The following POT1 variants were observed in gnomAD, a reference collection of about 807,000 sequenced individuals.
The protein encoded by POT1 is protection of telomeres 1, also known as protection of telomeres protein 1.
In POT1, 47 loss-of-function variants were observed where a neutral mutation model predicts 78.5. The ratio of observed to expected loss-of-function variants is 0.60; its 90% CI spans 0.47 to 0.76. The LOEUF (loss-of-function observed/expected upper bound fraction) is 0.76, where lower values mean the gene tolerates loss of function less well. Among genes scored for constraint, POT1 ranks in the 30% least tolerant of loss-of-function variants. POT1 has a pLI of 0.00. For synonymous variants in POT1, 259 were observed against 260.7 expected (o/e 0.99, Z 0.06); for missense variants, 646 against 749.9 (o/e 0.86, Z 1.62).
chr7:124,878,763 C>T (rs1323250783), intron 6 of POT1, among the ~76,000 whole-genome samples: 2 of 151,936 alleles, frequency 1.3e-5, no homozygotes, highest in Admixed American at 1.3e-4. Flanking sequence ...ATATAAAAGG[C>T]TATACAGGAA....
intron 6 of POT1, among the ~76,000 whole-genome samples, chr7:124,882,490 GGAA>G (rs1796142303): frequency 3.3e-5 from 5 of 151,798 alleles, no homozygotes. Context: ...ATGACAGCAT[GGAA>G]GATGAAAGAA....
Position 124,823,661 on chromosome 7 carries a change from C to A in POT1, c.*301G>T, listed in dbSNP as rs1262557948. ...AAAATCATCAGTATCAGCACCCCAACAAAGCAACTTTGCCATTTCTACTTA... is the reference window on the plus strand; with the variant it reads ...AAAATCATCAGTATCAGCACCCCAAAAAAGCAACTTTGCCATTTCTACTTA... On this transcript the variant is annotated 3_prime_UTR_variant, in exon 19 of 19. Coordinates refer to ENST00000357628, the MANE Select transcript of POT1 (RefSeq NM_015450.3). 1 of 259,852 alleles carries A rather than the reference C, an allele frequency of 3.8e-6. No individual in the cohort carries two copies. The highest frequency in any genetic ancestry group is 7.2e-6 in the Non-Finnish European group (1 of 138,752). 16.1% of individuals were successfully genotyped at this position (259,852 alleles called of 1,614,324 possible).
intron 2 of POT1, among the ~76,000 whole-genome samples, chr7:124,928,046 G>C (rs1255477078): frequency 6.6e-6 from 1 of 152,062 alleles, no homozygotes; most frequent in Non-Finnish European, 1.5e-5. Flanking sequence ...ATAGGTCTTT[G>C]TGATGATTAA....
chr7:124,842,793 T>C lies in POT1; in HGVS notation c.1163+14A>G. On this transcript the variant is annotated intron_variant, in intron 13 of 18. Transcript: ENST00000357628. ...TAATATGAAAACGTTTGTTTTATTA[T>C]GGAAAATACTCACAGCAAATGACAT... The C allele has an allele frequency of 1.9e-6, 3 of 1,581,448 alleles. No individual in the cohort carries two copies. In the South Asian group the frequency reaches 3.5e-5, roughly 19 times the overall value.
chr7:124,846,184 C>CACACACA (rs1554421673), intron 12 of POT1, among the ~76,000 whole-genome samples: 2 of 150,566 alleles, frequency 1.3e-5, no homozygotes. Flanking sequence ...CACACACACA[C>CACACACA]CCCTATAATA....
At chr7:124,895,056 T>C (rs1288569511) in intron 5 of POT1, among the ~76,000 whole-genome samples, 1 of 151,676 alleles carries the variant, frequency 6.6e-6, no homozygotes, top group Non-Finnish European at 1.5e-5. Context: ...AAATACTTGT[T>C]GAGGGTTTTT....
intron 11 of POT1, among the ~76,000 whole-genome samples, chr7:124,850,407 T>G (rs1464698645): frequency 6.6e-6 from 1 of 152,168 alleles, no homozygotes; most frequent in East Asian, 1.9e-4. Context: ...ACAGAATAAT[T>G]CATCTCACAG....
At chr7:124,852,840 G>T in intron 10 of POT1, 132 bp downstream of exon 10, 1 of 724,162 alleles carries the variant, frequency 1.4e-6, no homozygotes, top group Non-Finnish European at 2.2e-6. Context: ...TGTTTCATTT[G>T]GCTCATCTAT....
At chr7:124,852,035 T>A in intron 10 of POT1, 84 bp from the exon 11 acceptor site, 3 of 886,056 alleles carry the variant, frequency 3.4e-6, no homozygotes, top group Non-Finnish European at 5.4e-6. Context: ...ATCCAGAAAT[T>A]CATTGAAATT....
In POT1 at chr7:124,923,350, A is replaced by G. The variant is rs147292924; in HGVS notation, c.-227+5465T>C. On this transcript the variant is annotated intron_variant, in intron 2 of 18. Coordinates refer to ENST00000357628, the MANE Select transcript of POT1 (RefSeq NM_015450.3). ...AAAAAAAGAAAAGAAAACGGAAACC[A>G]TGAATTAAAAAATTGAAGAAAATAC... 5.0e-3 allele frequency among the ~76,000 whole-genome samples: 762 copies of G among 152,016 alleles called. 9 individuals are homozygous for G. Among genetic ancestry groups the G allele is most frequent in the African/African-American group, 0.017 (700 of 41,568 alleles).
At chr7:124,871,150 G>C (rs1050990939) in intron 6 of POT1, 109 bp from the exon 7 acceptor site, 24 of 942,204 alleles carry the variant, frequency 2.5e-5, no homozygotes, top group Non-Finnish European at 3.6e-5. Context: ...TTTTAATTAA[G>C]TCTTCTAAGA....
At chr7:124,878,992 A>G (rs2116591897) in intron 6 of POT1, among the ~76,000 whole-genome samples, 1 of 152,242 alleles carries the variant, frequency 6.6e-6, no homozygotes, top group Admixed American at 6.5e-5. Context: ...TTAAAGTTAA[A>G]GAGAATCAAT....
chr7:124,858,399 A>T lies in POT1; in HGVS notation c.702+558T>A, dbSNP rs187122126. Among the ~76,000 whole-genome samples, 599 of 152,278 alleles carry T rather than the reference A, an allele frequency of 3.9e-3. 5 individuals carry two copies. Among genetic ancestry groups the T allele is most frequent in the African/African-American group, 0.012 (497 of 41,564 alleles). On this transcript the variant is annotated intron_variant, in intron 9 of 18. Coordinates refer to ENST00000357628, the MANE Select transcript of POT1 (RefSeq NM_015450.3). ...TTCCCTACAATTTTTGTTAATAGTT[A>T]AGTACTGCCATATCTAAACTGTGCA... is the stretch of plus-strand genomic sequence containing the variant.
chr7:124,830,193 C>T (rs1794726036), intron 15 of POT1, among the ~76,000 whole-genome samples: 1 of 152,256 alleles, frequency 6.6e-6, no homozygotes, highest in East Asian at 1.9e-4. Flanking sequence ...CTACACAATA[C>T]ACTAAAGTTG....
chr7:124,825,219 GA>G (rs749421733), intron 18 of POT1, 32 bp downstream of exon 18: 13 of 1,403,028 alleles, frequency 9.3e-6, no homozygotes, highest in Non-Finnish European at 1.2e-5. Flanking sequence ...TCAAGTAAAA[GA>G]AGTGTGGGAT....
At chr7:124,910,476 G>A (rs1218053750) in intron 3 of POT1, among the ~76,000 whole-genome samples, 1 of 151,708 alleles carries the variant, frequency 6.6e-6, no homozygotes, top group African/African-American at 2.4e-5. Context: ...CATATACGAA[G>A]ACACTTTGCA....
At chr7:124,851,781 G>A in intron 11 of POT1, 91 bp downstream of exon 11, 1 of 917,346 alleles carries the variant, frequency 1.1e-6, no homozygotes, top group East Asian at 2.6e-5. Flanking sequence ...ATTAATAAGA[G>A]AGACAAAGAG....
intron 2 of POT1, among the ~76,000 whole-genome samples, chr7:124,916,462 CAG>C (rs918612849): frequency 3.9e-5 from 6 of 152,168 alleles, no homozygotes; most frequent in Admixed American, 3.3e-4. Context: ...CTTGACCCAT[CAG>C]AGAGTTGAGG....
chr7:124,855,198 T>C (rs1304228181), intron 9 of POT1, among the ~76,000 whole-genome samples: 1 of 92,678 alleles, frequency 1.1e-5, no homozygotes, highest in African/African-American at 4.6e-5. Flanking sequence ...AACCTACATA[T>C]GGAGACACAG....
Sources: gnomAD v4.1 joint callset for allele counts (sites outside exome capture counted in the v4.1 genomes callset) on GRCh38, gnomAD v4.1.1 for gene constraint, MANE v1.5 for transcripts, NCBI Gene and HGNC (gene_info 2026-07-23, HGNC 2026-07-21) for gene names.